The following DAB1 variants were observed in gnomAD, a reference collection of about 807,000 sequenced individuals.
DAB1 encodes DAB adaptor protein 1, also known as disabled homolog 1.
A neutral mutation model predicts 64.6 loss-of-function variants in DAB1; 15 were observed. That is an observed-to-expected ratio of 0.23 (90% confidence interval 0.16 to 0.36). The LOEUF is 0.36. Among genes scored for constraint, DAB1 ranks in the 10% least tolerant of loss-of-function variants. The pLI is 1.00. For missense variants in DAB1, 596 were observed against 706.7 expected (o/e 0.84, Z 1.78); for synonymous variants, 235 against 251.9 (o/e 0.93, Z 0.64).
rs761058803 is a variant in DAB1, at chr1:57,594,709, C to CTTAT, written n.625+54879_625+54882dup. Among the ~76,000 whole-genome samples, 125 of 152,112 alleles carry CTTAT rather than the reference C, an allele frequency of 8.2e-4. 1 individual carries two copies. Among genetic ancestry groups the CTTAT allele is most frequent in the Non-Finnish European group, 1.4e-3 (93 of 67,990 alleles). ...AATCACAATTCTATTTATTTATATA[C>CTTAT]TTATTTATTTATTTATTTAGAGACA... On this transcript the variant is annotated intron_variant and non_coding_transcript_variant, in intron 7 of 20. Transcript: ENST00000485760.
chr1:57,261,844 T>C (rs1043185797), intron 2 of DAB1, among the ~76,000 whole-genome samples: 4 of 152,208 alleles, frequency 2.6e-5, no homozygotes, highest in Admixed American at 6.5e-5. Context: ...TAAAAATACT[T>C]TTCCAAGATG....
intron 1 of DAB1, among the ~76,000 whole-genome samples, chr1:57,388,157 C>T (rs933342299): frequency 1.3e-5 from 2 of 152,210 alleles, no homozygotes; most frequent in African/African-American, 4.8e-5. Context: ...GGCTTCTGCA[C>T]TCGCAAATGT....
chr1:58,349,067 C>T (rs1351483669), intron 3 of DAB1, among the ~76,000 whole-genome samples: 1 of 152,190 alleles, frequency 6.6e-6, no homozygotes, highest in Non-Finnish European at 1.5e-5. Context: ...TGAAAACTTA[C>T]TCTGACCCTA....
At chr1:57,860,000 T>C (rs974260359) in intron 1 of DAB1, among the ~76,000 whole-genome samples, 3 of 152,194 alleles carry the variant, frequency 2.0e-5, no homozygotes, top group African/African-American at 7.2e-5. Context: ...ATATCCCTAA[T>C]TTCATGTGGG....
In DAB1 at chr1:57,468,049, C is replaced by A. The variant is rs60008010; in HGVS notation, n.626-176883G>T. On this transcript the variant is annotated intron_variant and non_coding_transcript_variant, in intron 7 of 20. Transcript: ENST00000485760. Reference sequence around the variant, plus strand: ...CCTGGCTGTCTCCCCTGGCCCCATGCCCTTATTGGAATATTCAGCACACTG... The same window carrying A: ...CCTGGCTGTCTCCCCTGGCCCCATGACCTTATTGGAATATTCAGCACACTG... Among the ~76,000 whole-genome samples the A allele has an allele frequency of 2.5e-3, 384 of 152,282 alleles. 2 individuals are homozygous for A. The highest frequency in any genetic ancestry group is 8.6e-3 in the African/African-American group (356 of 41,560).
intron 5 of DAB1, among the ~76,000 whole-genome samples, chr1:58,099,773 T>G (rs1199441137): frequency 3.3e-5 from 5 of 152,174 alleles, no homozygotes; most frequent in African/African-American, 4.8e-5. Flanking sequence ...AGTAAACAAC[T>G]TGCACAGGAA....
chr1:58,433,468 G>A (rs989619398), intron 3 of DAB1, among the ~76,000 whole-genome samples: 1 of 151,938 alleles, frequency 6.6e-6, no homozygotes, highest in Non-Finnish European at 1.5e-5. Context: ...CATGGTTCTG[G>A]AGCAGGGAAG....
chr1:58,310,887 T>C (rs1662415810), intron 4 of DAB1, among the ~76,000 whole-genome samples: 1 of 152,064 alleles, frequency 6.6e-6, no homozygotes, highest in South Asian at 2.1e-4. Context: ...GGTAAAAAGG[T>C]AACCTAGGCA....
At chr1:57,521,470 C>T (rs754555319) in intron 7 of DAB1, among the ~76,000 whole-genome samples, 1 of 152,006 alleles carries the variant, frequency 6.6e-6, no homozygotes, top group Non-Finnish European at 1.5e-5. Context: ...GAAGCTAAAC[C>T]ATATTCATCT....
At chr1:57,402,682 T>A (rs1369582406) in intron 1 of DAB1, among the ~76,000 whole-genome samples, 3 of 152,208 alleles carry the variant, frequency 2.0e-5, no homozygotes, top group Non-Finnish European at 2.9e-5. Context: ...ATGTATCGAT[T>A]TACTTACATT....
intron 7 of DAB1, among the ~76,000 whole-genome samples, chr1:57,540,598 T>C (rs1644789823): frequency 6.6e-6 from 1 of 152,154 alleles, no homozygotes; most frequent in Admixed American, 6.5e-5. Flanking sequence ...ATTTACAAAG[T>C]GGAATACTAC....
chr1:57,203,885 G>C (rs72919244), intron 2 of DAB1, among the ~76,000 whole-genome samples: 5,073 of 152,080 alleles, frequency 0.033, 102 homozygotes, highest in African/African-American at 0.064. Flanking sequence ...AGTGTTTTTT[G>C]TTTGTTTTGT....
chr1:57,831,074 G>C (rs1158259542), intron 1 of DAB1, among the ~76,000 whole-genome samples: 5 of 152,042 alleles, frequency 3.3e-5, no homozygotes, highest in African/African-American at 1.2e-4. Flanking sequence ...CCACCATGCT[G>C]GCTAATTTTT....
chr1:57,821,139 A>G (rs1452054814), downstream of DAB1, among the ~76,000 whole-genome samples: 1 of 152,108 alleles, frequency 6.6e-6, no homozygotes, highest in Non-Finnish European at 1.5e-5. Context: ...CCTCTAACAT[A>G]TCACCTTCAT....
intron 5 of DAB1, among the ~76,000 whole-genome samples, chr1:57,898,237 AGTTAAGGG>A (rs1358531667): frequency 1.3e-5 from 2 of 152,140 alleles, no homozygotes; most frequent in South Asian, 4.1e-4. Flanking sequence ...GACTCAGACA[AGTTAAGGG>A]GTTTCTGCCA....
At chr1:57,994,509 G>C (rs1220308030) in intron 5 of DAB1, among the ~76,000 whole-genome samples, 3 of 152,198 alleles carry the variant, frequency 2.0e-5, no homozygotes, top group African/African-American at 4.8e-5. Context: ...TAGATGCACA[G>C]AGCACTTCTG....
chr1:58,028,484 A>T (rs1646926448), intron 5 of DAB1, among the ~76,000 whole-genome samples: 1 of 152,220 alleles, frequency 6.6e-6, no homozygotes, highest in African/African-American at 2.4e-5. Flanking sequence ...AGGCAGCTTC[A>T]GTACTATGTC....
intron 5 of DAB1, among the ~76,000 whole-genome samples, chr1:58,112,695 C>T (rs1277056779): frequency 6.6e-6 from 1 of 152,200 alleles, no homozygotes; most frequent in Non-Finnish European, 1.5e-5. Context: ...ATAGTAGGCA[C>T]TCAATACATG....
intron 5 of DAB1, among the ~76,000 whole-genome samples, chr1:58,039,482 G>A (rs1203819371): frequency 3.3e-5 from 5 of 152,194 alleles, no homozygotes; most frequent in African/African-American, 9.6e-5. Flanking sequence ...GTCTGTGAGT[G>A]TAACAAGCTA....
Sources: allele counts gnomAD v4.1 joint callset (sites outside exome capture counted in the v4.1 genomes callset), GRCh38; gene constraint gnomAD v4.1.1; transcripts MANE v1.5; gene names NCBI Gene and HGNC (gene_info 2026-07-23, HGNC 2026-07-21).